The following SENP6 variants were observed in gnomAD, a reference collection of about 807,000 sequenced individuals.
SENP6 encodes sentrin-specific protease 6.
In SENP6, 41 loss-of-function variants were observed where a neutral mutation model predicts 134.5. The ratio of observed to expected loss-of-function variants is 0.30; its 90% CI spans 0.24 to 0.40. The LOEUF is 0.40. Among genes scored for constraint, SENP6 ranks in the 10% least tolerant of loss-of-function variants. The pLI, the probability that SENP6 is intolerant of heterozygous loss-of-function variation, is 1.00. For missense variants in SENP6, 1,248 were observed against 1,312.5 expected (o/e 0.95, Z 0.76); for synonymous variants, 395 against 429.8 (o/e 0.92, Z 1.00).
At chr6:75,665,068 C>T (rs555473996) in intron 9 of SENP6, among the ~76,000 whole-genome samples, 6 of 152,182 alleles carry the variant, frequency 3.9e-5, no homozygotes, top group Admixed American at 3.9e-4. Flanking sequence ...GGGCGGATCA[C>T]GAGGTCAGGA....
At chr6:75,648,763 A>G (rs1282707280) in intron 7 of SENP6, among the ~76,000 whole-genome samples, 1 of 152,198 alleles carries the variant, frequency 6.6e-6, no homozygotes, top group African/African-American at 2.4e-5. Context: ...TTACTCTGCT[A>G]TATGCTTAGT....
chr6:75,629,500 A>T (rs1456379116), intron 3 of SENP6, among the ~76,000 whole-genome samples: 1 of 151,914 alleles, frequency 6.6e-6, no homozygotes, highest in Admixed American at 6.5e-5. Flanking sequence ...AGGTTTCACC[A>T]TGGTGGCCAG....
intron 19 of SENP6, among the ~76,000 whole-genome samples, chr6:75,704,006 C>T (rs914482295): frequency 1.3e-5 from 2 of 152,148 alleles, no homozygotes; most frequent in Admixed American, 1.3e-4. Context: ...TCAATTTACA[C>T]ATTGGTAAAT....
At chr6:75,683,829 G>A (rs866798907) in intron 16 of SENP6, among the ~76,000 whole-genome samples, 47 of 152,232 alleles carry the variant, frequency 3.1e-4, no homozygotes, top group African/African-American at 1.0e-3. Flanking sequence ...GTCAGGTAGC[G>A]TGATGCCTCT....
chr6:75,621,880 A>G lies in SENP6; in HGVS notation c.146+255A>G, dbSNP rs9360927. ...CCTTACAATTAAAAATTGACTGTAC[A>G]ATGGAAGGCTTCAAAATAAGGAAAT... is the stretch of plus-strand genomic sequence containing the variant. On this transcript the variant is annotated intron_variant, in intron 2 of 23. Coordinates refer to ENST00000447266, the MANE Select transcript of SENP6 (RefSeq NM_015571.4). 8.9e-4 allele frequency among the ~76,000 whole-genome samples: 135 copies of G among 152,354 alleles called. 2 individuals are homozygous for G. The highest frequency in any genetic ancestry group is 8.5e-3 in the East Asian group (44 of 5,192).
intron 1 of SENP6, among the ~76,000 whole-genome samples, chr6:75,609,844 A>G (rs1700581705): frequency 6.6e-6 from 1 of 152,182 alleles, no homozygotes; most frequent in Non-Finnish European, 1.5e-5. Context: ...TAGTGGCGCC[A>G]TCTCAGCTCA....
chr6:75,656,477 CTAAG>C (rs1333505832), intron 7 of SENP6, among the ~76,000 whole-genome samples: 1 of 152,180 alleles, frequency 6.6e-6, no homozygotes, highest in African/African-American at 2.4e-5. Flanking sequence ...AGGCCACTTA[CTAAG>C]TATTTGCCAT....
chr6:75,697,207 A>G (rs937459501), intron 17 of SENP6, among the ~76,000 whole-genome samples: 4 of 152,242 alleles, frequency 2.6e-5, no homozygotes, highest in African/African-American at 9.6e-5. Flanking sequence ...AGATGGAGTA[A>G]CAGGAGTAAA....
chr6:75,659,412 G>A lies in SENP6; in HGVS notation c.696+5G>A, dbSNP rs371557491. ...AAATGTTTAACCCATTTAGAGGTAA[G>A]TAGAGAAATTATTCTTTGTTGCTAA... On this transcript the variant is annotated splice_donor_5th_base_variant and intron_variant, in intron 8 of 23. Coordinates refer to ENST00000447266, the MANE Select transcript of SENP6 (RefSeq NM_015571.4). 6.3e-6 allele frequency: 10 copies of A among 1,598,594 alleles called. No homozygotes were observed. In the African/African-American group the frequency reaches 1.3e-4, roughly 22 times the overall value.
intron 16 of SENP6, chr6:75,679,287 T>C (rs1489813536): frequency 1.1e-5 from 2 of 174,150 alleles, no homozygotes. Flanking sequence ...ATACCTATAG[T>C]CCCAGCCACT....
intron 6 of SENP6, among the ~76,000 whole-genome samples, chr6:75,643,594 C>T (rs954380487): frequency 5.3e-5 from 8 of 152,102 alleles, no homozygotes; most frequent in Admixed American, 2.6e-4. Flanking sequence ...TGATGGCATG[C>T]GCCTGTAATC....
chr6:75,644,177 T>C (rs900174051), intron 6 of SENP6: 1 of 152,038 alleles, frequency 6.6e-6, no homozygotes, highest in Admixed American at 6.5e-5. Context: ...TTCATATTCT[T>C]GTAAACTGTG....
intron 8 of SENP6, among the ~76,000 whole-genome samples, chr6:75,661,335 C>A (rs1771759179): frequency 6.6e-6 from 1 of 152,206 alleles, no homozygotes; most frequent in African/African-American, 2.4e-5. Flanking sequence ...AAGTTTGGCT[C>A]AGGCCATGCT....
chr6:75,713,766 C>G lies in SENP6; in HGVS notation c.3070C>G (p.Gln1024Glu). The G allele has an allele frequency of 6.2e-7, 1 of 1,613,404 alleles. No homozygotes were observed. The highest frequency in any genetic ancestry group is 8.5e-7 in the Non-Finnish European group (1 of 1,179,602). Residue 1024 changes from glutamine to glutamate, a missense_variant, in exon 23 of 24, where the codon CAA becomes GAA. Around this residue, in one of 3 missense-constraint regions of SENP6, gnomAD observed 386 missense variants for 395.0 expected, o/e 0.98. Coordinates refer to ENST00000447266, the MANE Select transcript of SENP6 (RefSeq NM_015571.4). The part of the protein sequence containing the change: ...MKGSNPKVPQ[Q>E]NNFSDCGVYV... ...GGGCTCTAATCCAAAAGTACCACAG[C>G]AAAACAACTTCAGTGACTGTGGTGT...
At chr6:75,670,467 T>G in intron 10 of SENP6, 86 bp from the exon 11 acceptor site, 1 of 845,922 alleles carries the variant, frequency 1.2e-6, no homozygotes, top group Non-Finnish European at 1.8e-6. Context: ...TTACATTTCT[T>G]ATATTGGGTC....
intron 1 of SENP6, among the ~76,000 whole-genome samples, chr6:75,615,935 C>T (rs1767816185): frequency 6.6e-6 from 1 of 152,122 alleles, no homozygotes; most frequent in Non-Finnish European, 1.5e-5. Context: ...GTAACTTGTG[C>T]CCTCATAGAC....
chr6:75,683,184 C>G (rs1773584940), intron 16 of SENP6, among the ~76,000 whole-genome samples: 1 of 152,072 alleles, frequency 6.6e-6, no homozygotes, highest in Admixed American at 6.6e-5. Context: ...TTTCATGTGT[C>G]TGTTCGCTGT....
At chr6:75,697,300 T>G (rs948378382) in intron 17 of SENP6, 125 bp from the exon 18 acceptor site, 4 of 634,142 alleles carry the variant, frequency 6.3e-6, no homozygotes, top group Non-Finnish European at 1.1e-5. Flanking sequence ...TTCCCCAGTT[T>G]GTCAAACCAT....
intron 13 of SENP6, 173 bp from the exon 14 acceptor site, chr6:75,676,857 A>G (rs184689081): frequency 1.3e-4 from 72 of 533,854 alleles, no homozygotes; most frequent in African/African-American, 1.3e-3. Context: ...CATGTAACAC[A>G]TACTGGTCTT....
Sources: allele counts gnomAD v4.1 joint callset (sites outside exome capture counted in the v4.1 genomes callset), GRCh38; gene constraint gnomAD v4.1.1; regional missense constraint gnomAD v4.1.1; transcripts MANE v1.5; gene names NCBI Gene and HGNC (gene_info 2026-07-23, HGNC 2026-07-21).